The following ADGRB3 variants were observed in gnomAD, a reference collection of about 807,000 sequenced individuals.
ADGRB3 encodes brain-specific angiogenesis inhibitor 3.
ADGRB3 carries 37 observed loss-of-function variants against 193.4 expected under a neutral mutation model. That is an observed-to-expected ratio of 0.19 (90% CI 0.15 to 0.25). ADGRB3 has a LOEUF of 0.25. Ranked by LOEUF, ADGRB3 falls within the 10% of genes least tolerant of loss-of-function variation. The pLI is 1.00. For missense variants in ADGRB3, 1,637 were observed against 1,852.9 expected (o/e 0.88, Z 2.14); for synonymous variants, 690 against 644.2 (o/e 1.07, Z -1.08).
At chr6:69,286,474 T>C (rs1321028903) in intron 20 of ADGRB3, among the ~76,000 whole-genome samples, 1 of 152,202 alleles carries the variant, frequency 6.6e-6, no homozygotes. Context: ...GCCTTTTAAA[T>C]TGTCATATCA....
intron 20 of ADGRB3, among the ~76,000 whole-genome samples, chr6:69,261,178 G>A (rs188131122): frequency 9.2e-5 from 14 of 152,192 alleles, no homozygotes; most frequent in Admixed American, 3.9e-4. Flanking sequence ...CTATAGCTGC[G>A]GCCTTTCTTA....
rs569556546 is a variant in ADGRB3 at position 68,988,583 on chromosome 6, C to T, written c.1735-5185C>T. ...TTTCAAATATTGACTTATAGCTTCT[C>T]TCAAAAGAAAGACCTAGGAATCCTT... On this transcript the variant is annotated intron_variant, in intron 10 of 31. Coordinates refer to ENST00000370598, the MANE Select transcript of ADGRB3 (RefSeq NM_001704.3). Among the ~76,000 whole-genome samples the T allele has an allele frequency of 3.0e-4, 46 of 152,224 alleles. No homozygotes were observed. In the South Asian group the frequency reaches 9.1e-3, roughly 30 times the overall value.
intron 11 of ADGRB3, among the ~76,000 whole-genome samples, chr6:69,006,921 A>C (rs1769774020): frequency 6.6e-6 from 1 of 152,034 alleles, no homozygotes; most frequent in Non-Finnish European, 1.5e-5. Flanking sequence ...TAGTCATGAT[A>C]ATCTTAAATT....
intron 17 of ADGRB3, among the ~76,000 whole-genome samples, chr6:69,194,917 G>A (rs1025182812): frequency 8.5e-5 from 13 of 152,064 alleles, no homozygotes; most frequent in Admixed American, 3.3e-4. Flanking sequence ...ACAATTCCTG[G>A]TATATAGCAA....
At position 69,054,185 on chromosome 6, in the gene ADGRB3, A is replaced by G. The variant is rs190363208; in HGVS notation, c.2333+4839A>G. On this transcript the variant is annotated intron_variant, in intron 15 of 31. Coordinates refer to ENST00000370598, the MANE Select transcript of ADGRB3 (RefSeq NM_001704.3). ...AAAGTGTCTTCATAAACCAAAAGTT[A>G]TTACAAAATTATTTTTAAAGAAAGG... Among the ~76,000 whole-genome samples, 1,361 of 152,316 alleles carry G rather than the reference A, an allele frequency of 8.9e-3. 30 individuals are homozygous for G. The highest frequency in any genetic ancestry group is 0.031 in the African/African-American group (1,303 of 41,576).
chr6:69,024,953 G>C (rs1306814483), intron 13 of ADGRB3, among the ~76,000 whole-genome samples: 1 of 151,872 alleles, frequency 6.6e-6, no homozygotes, highest in African/African-American at 2.4e-5. Flanking sequence ...TTAGCCGGGC[G>C]TGGTGGCGGG....
chr6:68,967,630 C>T lies in ADGRB3; in HGVS notation c.1526-7133C>T, dbSNP rs1240114490. Among the ~76,000 whole-genome samples the T allele has an allele frequency of 2.6e-5, 4 of 151,634 alleles. No individual in the cohort carries two copies. In the East Asian group the frequency reaches 5.8e-4, roughly 22 times the overall value. On this transcript the variant is annotated intron_variant, in intron 8 of 31. Coordinates refer to ENST00000370598, the MANE Select transcript of ADGRB3 (RefSeq NM_001704.3). ...ACCTCCACCCCCGCCCCACACACAACGTCTACAGTATTTTTGCAAAATCAT... is the reference window on the plus strand; with the variant it reads ...ACCTCCACCCCCGCCCCACACACAATGTCTACAGTATTTTTGCAAAATCAT...
intron 17 of ADGRB3, among the ~76,000 whole-genome samples, chr6:69,208,197 G>A (rs1370173905): frequency 6.6e-6 from 1 of 152,210 alleles, no homozygotes; most frequent in Non-Finnish European, 1.5e-5. Flanking sequence ...GAAAGAGGCT[G>A]AGTGATGTCC....
At chr6:69,027,587 G>A (rs150754523) in intron 13 of ADGRB3, among the ~76,000 whole-genome samples, 28 of 152,224 alleles carry the variant, frequency 1.8e-4, no homozygotes, top group African/African-American at 5.3e-4. Flanking sequence ...ATCATGTGGC[G>A]CATGATTATC....
At chr6:68,778,277 G>A (rs115048088) in intron 3 of ADGRB3, among the ~76,000 whole-genome samples, 4,327 of 152,034 alleles carry the variant, frequency 0.028, 204 homozygotes, top group African/African-American at 0.097. Context: ...AGTGACAAGT[G>A]GAAAAGCTTC....
intron 3 of ADGRB3, among the ~76,000 whole-genome samples, chr6:68,781,325 A>G (rs1360997103): frequency 6.6e-6 from 1 of 152,138 alleles, no homozygotes; most frequent in Admixed American, 6.6e-5. Context: ...TCATTGGAAG[A>G]CCTTGTTATC....
At chr6:69,138,274 A>G (rs1304679708) in intron 17 of ADGRB3, among the ~76,000 whole-genome samples, 1 of 152,208 alleles carries the variant, frequency 6.6e-6, no homozygotes, top group East Asian at 1.9e-4. Context: ...ATGTTGTAGG[A>G]AGACACTAGC....
chr6:69,072,269 T>C (rs1267927351), intron 16 of ADGRB3, among the ~76,000 whole-genome samples: 3 of 152,198 alleles, frequency 2.0e-5, no homozygotes, highest in Non-Finnish European at 4.4e-5. Context: ...GATTGAATGA[T>C]GCATTTTGGA....
intron 29 of ADGRB3, among the ~76,000 whole-genome samples, chr6:69,371,906 G>T (rs1769715207): frequency 6.6e-6 from 1 of 152,130 alleles, no homozygotes; most frequent in South Asian, 2.1e-4. Flanking sequence ...CAAGAAATAT[G>T]TGGGTGAGAC....
intron 11 of ADGRB3, among the ~76,000 whole-genome samples, chr6:69,001,066 GGCTATACTGGAGTGATATAAGTATA>G (rs1397719659): frequency 6.6e-6 from 1 of 152,058 alleles, no homozygotes; most frequent in Admixed American, 6.6e-5. Context: ...ACTTGAATGA[GGCTATACTGGAGTGATATAAGTATA>G]GCATGTTCCA....
intron 30 of ADGRB3, among the ~76,000 whole-genome samples, chr6:69,373,550 C>T (rs936119117): frequency 4.6e-5 from 7 of 152,054 alleles, no homozygotes; most frequent in African/African-American, 1.4e-4. Flanking sequence ...ATTGTAGTAA[C>T]TTAGCATTGA....
chr6:68,746,792 A>G (rs1036962447), intron 3 of ADGRB3, among the ~76,000 whole-genome samples: 1 of 151,854 alleles, frequency 6.6e-6, no homozygotes, highest in Non-Finnish European at 1.5e-5. Flanking sequence ...TTTTTATTTT[A>G]TTTAATATTG....
intron 17 of ADGRB3, among the ~76,000 whole-genome samples, chr6:69,206,208 G>C (rs887949562): frequency 6.6e-6 from 1 of 151,674 alleles, no homozygotes; most frequent in African/African-American, 2.4e-5. Flanking sequence ...AGGGCAGGAA[G>C]CATGCGGAAT....
intron 3 of ADGRB3, among the ~76,000 whole-genome samples, chr6:68,813,483 CT>C (rs1414256089): frequency 6.6e-6 from 1 of 151,956 alleles, no homozygotes; most frequent in Non-Finnish European, 1.5e-5. Flanking sequence ...CTAATATTAC[CT>C]GTAGCAAGTA....
Sources: allele counts gnomAD v4.1 joint callset (sites outside exome capture counted in the v4.1 genomes callset), GRCh38; gene constraint gnomAD v4.1.1; transcripts MANE v1.5; gene names NCBI Gene and HGNC (gene_info 2026-07-23, HGNC 2026-07-21).